VAX2: variants seen among roughly 807,000 people sequenced by gnomAD.
VAX2 encodes the protein ventral anterior homeobox 2.
VAX2 carries 8 observed loss-of-function variants against 12.5 expected under a neutral mutation model. The observed-to-expected ratio is 0.64, with a 90% CI of 0.37 to 1.15. The LOEUF is 1.15. Among genes scored for constraint, VAX2 ranks in the 50% most tolerant of loss-of-function variants. The pLI, the probability that VAX2 is intolerant of heterozygous loss-of-function variation, is 0.01. For missense variants in VAX2, 476 were observed against 412.9 expected (o/e 1.15, Z -1.32); for synonymous variants, 183 against 187.6 (o/e 0.98, Z 0.20).
At chr2:70,910,114 C>G (rs552759203) in intron 1 of VAX2, among the ~76,000 whole-genome samples, 1 of 151,932 alleles carries the variant, frequency 6.6e-6, no homozygotes, top group Non-Finnish European at 1.5e-5. Flanking sequence ...AGAGTCCCCC[C>G]TTTTTAAGAG....
In VAX2 at chr2:70,913,700, TAAATAAATAAATAAATA is replaced by T. The variant is rs1679246274; in HGVS notation, c.248-7395_248-7379del. Among the ~76,000 whole-genome samples, 3 of 151,350 alleles carry T rather than the reference TAAATAAATAAATAAATA, an allele frequency of 2.0e-5. No homozygotes were observed. In the South Asian group the frequency reaches 6.3e-4, roughly 32 times the overall value. On this transcript the variant is annotated intron_variant, in intron 1 of 2. Transcript: ENST00000234392. ...CAAAATAAATAAATAAATAAATAAATAAATAAATAAATAAATAAATAACTTTACATTTATTATCTGTC... is the reference window on the plus strand; with the variant it reads ...CAAAATAAATAAATAAATAAATAAATAATAACTTTACATTTATTATCTGTC...
chr2:70,933,043 T>TCC lies in VAX2; in HGVS notation c.718_719dup (p.Leu241HisfsTer36), dbSNP rs782186760. 3 of 1,594,986 alleles carry TCC rather than the reference T, an allele frequency of 1.9e-6. No homozygotes were observed. The South Asian group carries it at 3.4e-5, about 18-fold the overall frequency. The stretch of plus-strand genomic sequence containing the variant: ...CAACCCGCTGTCCTCGGCCTCAGCG[T>TCC]CCCCCCCACTGCCGCCCCCTCTGCC... On this transcript the variant is annotated frameshift_variant, in exon 3 of 3. Coordinates refer to ENST00000234392, the MANE Select transcript of VAX2 (RefSeq NM_012476.3). LOFTEE classifies it low-confidence loss of function (END_TRUNC).
intron 1 of VAX2, among the ~76,000 whole-genome samples, chr2:70,901,633 C>A (rs1678930741): frequency 6.6e-6 from 1 of 152,234 alleles, no homozygotes; most frequent in South Asian, 2.1e-4. Context: ...GGACTGCGAC[C>A]GATTACCCAG....
chr2:70,918,037 C>T (rs1322994679), intron 1 of VAX2, among the ~76,000 whole-genome samples: 1 of 152,204 alleles, frequency 6.6e-6, no homozygotes, highest in Non-Finnish European at 1.5e-5. Flanking sequence ...ACAGTGGGGT[C>T]ACACATATTA....
chr2:70,928,081 T>C (rs1679612496), intron 2 of VAX2, among the ~76,000 whole-genome samples: 1 of 152,238 alleles, frequency 6.6e-6, no homozygotes, highest in African/African-American at 2.4e-5. Context: ...AAATGAAGGT[T>C]TCCTGGGGCA....
intron 2 of VAX2, among the ~76,000 whole-genome samples, chr2:70,929,675 A>C (rs1303357246): frequency 7.7e-6 from 1 of 129,190 alleles, no homozygotes; most frequent in Non-Finnish European, 1.6e-5. Context: ...CTACAGAGTG[A>C]GACTCCATCT....
At chr2:70,918,775 A>C (rs1162046100) in intron 1 of VAX2, among the ~76,000 whole-genome samples, 1 of 147,398 alleles carries the variant, frequency 6.8e-6, no homozygotes, top group African/African-American at 2.5e-5. Flanking sequence ...GGGCGCCTGT[A>C]GTCCCAGCTT....
intron 1 of VAX2, among the ~76,000 whole-genome samples, chr2:70,902,062 C>G (rs1447582370): frequency 6.6e-6 from 1 of 152,220 alleles, no homozygotes; most frequent in African/African-American, 2.4e-5. Context: ...TGGAAGCTGG[C>G]CCTGGGTCGT....
intron 2 of VAX2, among the ~76,000 whole-genome samples, chr2:70,925,489 A>T (rs540567778): frequency 5.7e-4 from 87 of 152,290 alleles, no homozygotes; most frequent in African/African-American, 2.0e-3. Context: ...GAGAAGCAAG[A>T]TGGTGGGAGC....
Position 70,933,243 on chromosome 2 carries a change from C to A in VAX2, c.*39C>A. The A allele has an allele frequency of 2.0e-6, 3 of 1,471,886 alleles. No individual in the cohort carries two copies. Among genetic ancestry groups the A allele is most frequent in the African/African-American group, 2.8e-5 (2 of 70,444 alleles). 91.2% of individuals were successfully genotyped at this position (1,471,886 alleles called of 1,614,324 possible). On this transcript the variant is annotated 3_prime_UTR_variant, in exon 3 of 3. Coordinates refer to ENST00000234392, the MANE Select transcript of VAX2 (RefSeq NM_012476.3). Reference sequence around the variant, plus strand: ...TGACACTGAGTCCCGAGCACAGCACCTTCCCAGTCTCCTGTGCCCCAGCGG... The same window carrying A: ...TGACACTGAGTCCCGAGCACAGCACATTCCCAGTCTCCTGTGCCCCAGCGG...
chr2:70,912,478 A>G (rs1679208814), intron 1 of VAX2, among the ~76,000 whole-genome samples: 1 of 152,156 alleles, frequency 6.6e-6, no homozygotes, highest in Non-Finnish European at 1.5e-5. Flanking sequence ...CCTGGGCAAC[A>G]TGGCGAAACC....
chr2:70,929,256 C>T (rs1271823328), intron 2 of VAX2, among the ~76,000 whole-genome samples: 2 of 152,240 alleles, frequency 1.3e-5, no homozygotes. Context: ...ATTAACAAAA[C>T]AGTCACCCCC....
At position 70,932,967 on chromosome 2, in the gene VAX2, C is replaced by T. The variant is rs1365544962; in HGVS notation, c.636C>T (p.Ala212=). ...CCCCTAGCCTGCCAGGCCTACCTGC[C>T]AGCCACAGGGGCACCTCCTTAGGTG... is the stretch of plus-strand genomic sequence containing the variant. ...ALTPSLPGLP[A]SHRGTSLGDP... The change falls in exon 3 of 3, where the codon GCC becomes GCT. Residue 212 remains alanine (A), a synonymous_variant. Transcript: ENST00000234392. The T allele has an allele frequency of 3.1e-6, 5 of 1,611,554 alleles. No homozygotes were observed. The Admixed American group carries it at 8.4e-5, about 27-fold the overall frequency.
intron 1 of VAX2, among the ~76,000 whole-genome samples, chr2:70,901,498 C>T (rs924204749): frequency 5.3e-5 from 8 of 152,260 alleles, no homozygotes; most frequent in Non-Finnish European, 2.9e-5. Flanking sequence ...GCCGCCTTCC[C>T]GCGGCCTGGC....
intron 2 of VAX2, among the ~76,000 whole-genome samples, chr2:70,927,076 C>T (rs1216183048): frequency 6.6e-6 from 1 of 152,158 alleles, no homozygotes; most frequent in Non-Finnish European, 1.5e-5. Flanking sequence ...ATGACCCACC[C>T]TGCTAGTGTC....
chr2:70,908,901 C>T (rs1679123492), intron 1 of VAX2, among the ~76,000 whole-genome samples: 2 of 152,186 alleles, frequency 1.3e-5, no homozygotes, highest in Admixed American at 6.5e-5. Context: ...ACCCCTTTGC[C>T]CTGTCCCCAC....
rs781857173 is a variant in VAX2, at chr2:70,932,943, C to G, written c.612C>G (p.Thr204=). 1 of 1,612,646 alleles carries G rather than the reference C, an allele frequency of 6.2e-7. No individual in the cohort carries two copies. Among genetic ancestry groups the G allele is most frequent in the Non-Finnish European group, 8.5e-7 (1 of 1,179,486 alleles). The change falls in exon 3 of 3, where the codon ACC becomes ACG. Residue 204 remains threonine (T), a synonymous_variant. Coordinates refer to ENST00000234392, the MANE Select transcript of VAX2 (RefSeq NM_012476.3). Reference sequence around the variant, plus strand: ...GGGCCCCTAGCCTCCTGGCGCTGACCCCTAGCCTGCCAGGCCTACCTGCCA... The same window carrying G: ...GGGCCCCTAGCCTCCTGGCGCTGACGCCTAGCCTGCCAGGCCTACCTGCCA... ...VPRAPSLLAL[T]PSLPGLPASH...
At chr2:70,923,564 C>T (rs1187717994) in intron 2 of VAX2, among the ~76,000 whole-genome samples, 4 of 152,246 alleles carry the variant, frequency 2.6e-5, no homozygotes, top group African/African-American at 9.6e-5. Flanking sequence ...GCCACCTGTG[C>T]TTCTGAATGG....
chr2:70,920,548 T>C (rs1432542451), intron 1 of VAX2, among the ~76,000 whole-genome samples: 3 of 152,080 alleles, frequency 2.0e-5, no homozygotes, highest in African/African-American at 7.2e-5. Flanking sequence ...CTCCCCAGAC[T>C]GTCCTCTACC....
Sources: allele counts gnomAD v4.1 joint callset (sites outside exome capture counted in the v4.1 genomes callset), GRCh38; gene constraint gnomAD v4.1.1; transcripts MANE v1.5; gene names NCBI Gene and HGNC (gene_info 2026-07-23, HGNC 2026-07-21).